The following TAF15 variants were observed in gnomAD, a reference collection of about 807,000 sequenced individuals.
TAF15 encodes the protein TATA-box binding protein associated factor 15, also known as TATA-binding protein-associated factor 2N.
In TAF15, 37 loss-of-function variants were observed where a neutral mutation model predicts 102.5. That is an observed-to-expected ratio of 0.36 (90% CI 0.28 to 0.47). The LOEUF (loss-of-function observed/expected upper bound fraction) is 0.47, where lower values mean the gene tolerates loss of function less well. Among genes scored for constraint, TAF15 ranks in the 20% least tolerant of loss-of-function variants. The pLI is 0.99. For synonymous variants in TAF15, 273 were observed against 259.2 expected, an observed-to-expected ratio of 1.05 and a Z score of -0.51; for missense variants, 652 against 760.7, an observed-to-expected ratio of 0.86 and a Z score of 1.68.
intron 6 of TAF15, 148 bp downstream of exon 6, chr17:35,822,981 C>A: frequency 9.9e-7 from 1 of 1,009,772 alleles, no homozygotes; most frequent in Non-Finnish European, 1.5e-6. Flanking sequence ...GTAATCAAAA[C>A]TAGTTTATCA....
At chr17:35,822,909 A>G in intron 6 of TAF15, 76 bp downstream of exon 6, 1 of 1,557,794 alleles carries the variant, frequency 6.4e-7, no homozygotes, top group South Asian at 1.1e-5. Context: ...TAAAAGAACC[A>G]CAGAGGATTT....
At chr17:35,816,542 A>T (rs986860304) in intron 1 of TAF15, among the ~76,000 whole-genome samples, 6 of 152,204 alleles carry the variant, frequency 3.9e-5, no homozygotes, top group African/African-American at 1.4e-4. Flanking sequence ...ACTATTTGAC[A>T]ACAGTGATTT....
At chr17:35,846,756 C>A in intron 15 of TAF15, 150 bp from the exon 16 acceptor site, 1 of 806,742 alleles carries the variant, frequency 1.2e-6, no homozygotes, top group South Asian at 1.5e-5. Context: ...ATTTAAGTAT[C>A]TTCTAGGAGT....
intron 13 of TAF15, 48 bp downstream of exon 13, chr17:35,844,206 TGTG>T (rs1469410576): frequency 3.7e-6 from 6 of 1,611,790 alleles, no homozygotes; most frequent in Admixed American, 1.7e-5. Context: ...GGATTGGGGC[TGTG>T]GAGGATACAG....
At chr17:35,845,136 C>G in intron 15 of TAF15, 98 bp downstream of exon 15, 1 of 1,453,538 alleles carries the variant, frequency 6.9e-7, no homozygotes, top group Non-Finnish European at 9.6e-7. Flanking sequence ...CTTGAATTTC[C>G]CATTGCCAGT....
chr17:35,814,942 G>T (rs1026782023), intron 1 of TAF15, among the ~76,000 whole-genome samples: 1 of 151,762 alleles, frequency 6.6e-6, no homozygotes, highest in African/African-American at 2.4e-5. Flanking sequence ...TAGTTATATG[G>T]GAAGTTAAAA....
At chr17:35,843,976 C>T in intron 12 of TAF15, 101 bp from the exon 13 acceptor site, 2 of 1,027,760 alleles carry the variant, frequency 1.9e-6, no homozygotes, top group Non-Finnish European at 3.1e-6. Context: ...CAGAGTGCTG[C>T]CTAAGTATTG....
intron 10 of TAF15, among the ~76,000 whole-genome samples, chr17:35,836,709 T>G (rs570592027): frequency 9.8e-5 from 15 of 152,330 alleles, no homozygotes; most frequent in Non-Finnish European, 2.2e-4. Flanking sequence ...AAAGCAGCCT[T>G]AGTAATGTTT....
chr17:35,822,867 C>G (rs1283164212), intron 6 of TAF15, 34 bp downstream of exon 6: 3 of 1,608,830 alleles, frequency 1.9e-6, no homozygotes, highest in Admixed American at 1.7e-5. Context: ...TTATTTTTCC[C>G]CCTCTCAGAA....
intron 5 of TAF15, among the ~76,000 whole-genome samples, chr17:35,821,365 G>A (rs1353944252): frequency 6.6e-6 from 1 of 152,142 alleles, no homozygotes; most frequent in Non-Finnish European, 1.5e-5. Flanking sequence ...TAAATTTAAG[G>A]AGAATCGTTT....
intron 1 of TAF15, chr17:35,809,856 T>A (rs1459785964): frequency 7.0e-5 from 40 of 571,070 alleles, no homozygotes; most frequent in South Asian, 5.1e-4. Flanking sequence ...AGGGTGTGTG[T>A]GAGTCGGGGG....
intron 10 of TAF15, among the ~76,000 whole-genome samples, chr17:35,837,482 A>G (rs2087490095): frequency 6.6e-6 from 1 of 151,872 alleles, no homozygotes; most frequent in Admixed American, 6.6e-5. Flanking sequence ...TTGAAAAAGT[A>G]AAATTCTCCC....
intron 1 of TAF15, 153 bp downstream of exon 1, chr17:35,809,729 C>A: frequency 9.7e-7 from 1 of 1,028,764 alleles, no homozygotes; most frequent in Admixed American, 2.1e-5. Context: ...CCATGTTGAA[C>A]TGGAGGCACG....
At chr17:35,824,619 G>A (rs953326813) in intron 7 of TAF15, among the ~76,000 whole-genome samples, 2 of 152,332 alleles carry the variant, frequency 1.3e-5, no homozygotes, top group African/African-American at 4.8e-5. Context: ...GGAAGGGAAA[G>A]TATTAGGAGG....
At chr17:35,837,132 C>T (rs376045833) in intron 10 of TAF15, among the ~76,000 whole-genome samples, 1 of 151,988 alleles carries the variant, frequency 6.6e-6, no homozygotes, top group Non-Finnish European at 1.5e-5. Flanking sequence ...TAATTACACA[C>T]AAAATATGTA....
At chr17:35,830,276 A>G (rs1009251830) in intron 7 of TAF15, 2 of 152,200 alleles carry the variant, frequency 1.3e-5, no homozygotes, top group African/African-American at 4.8e-5. Flanking sequence ...ATAGCAAGAC[A>G]CCATCTCAAA....
At chr17:35,817,977 C>T (rs1490214776) in intron 2 of TAF15, among the ~76,000 whole-genome samples, 1 of 152,220 alleles carries the variant, frequency 6.6e-6, no homozygotes, top group African/African-American at 2.4e-5. Context: ...GGCTGGAGTG[C>T]AGTGGCAAAT....
intron 1 of TAF15, among the ~76,000 whole-genome samples, chr17:35,812,398 A>G (rs1323358015): frequency 6.6e-6 from 1 of 151,904 alleles, no homozygotes; most frequent in African/African-American, 2.4e-5. Context: ...AGAGTTCGAG[A>G]CCAGCTTGAC....
intron 9 of TAF15, 135 bp from the exon 10 acceptor site, chr17:35,835,997 T>G (rs2087469785): frequency 6.1e-6 from 4 of 650,606 alleles, no homozygotes; most frequent in South Asian, 3.7e-5. Context: ...TATATAAGGT[T>G]GTTCTTATAT....
Sources: allele counts gnomAD v4.1 joint callset (sites outside exome capture counted in the v4.1 genomes callset), GRCh38; gene constraint gnomAD v4.1.1; transcripts MANE v1.5; gene names NCBI Gene and HGNC (gene_info 2026-07-23, HGNC 2026-07-21).